EPC1: variants seen among roughly 807,000 people sequenced by gnomAD.
EPC1 encodes the protein enhancer of polycomb 1.
EPC1 carries 12 observed loss-of-function variants against 98.4 expected under a neutral mutation model. The ratio of observed to expected loss-of-function variants is 0.12; its 90% confidence interval spans 0.08 to 0.20. The LOEUF is 0.20. Among genes scored for constraint, EPC1 ranks in the 10% least tolerant of loss-of-function variants. The pLI is 1.00. For missense variants in EPC1, 729 were observed against 990.5 expected (o/e 0.74, Z 3.54); for synonymous variants, 357 against 363.9 (o/e 0.98, Z 0.21).
At position 32,271,268 on chromosome 10, in the gene EPC1, G is replaced by A. The variant is rs559224745; in HGVS notation, c.2369+286C>T. On this transcript the variant is annotated intron_variant, in intron 13 of 13. Transcript: ENST00000319778. ...TGCCTCCCAAAGTGCTAGGATTACA[G>A]GCGTGAGCCACTGCACCTGGTATAA... Among the ~76,000 whole-genome samples the A allele has an allele frequency of 7.2e-5, 11 of 152,272 alleles. No individual in the cohort carries two copies. The South Asian group carries it at 2.3e-3, about 32-fold the overall frequency.
intron 1 of EPC1, among the ~76,000 whole-genome samples, chr10:32,325,960 C>T (rs1837249596): frequency 6.6e-6 from 1 of 152,120 alleles, no homozygotes; most frequent in Admixed American, 6.5e-5. Context: ...CTGACCAAAT[C>T]ATGGTTAGAA....
chr10:32,351,004 T>A (rs1382226785), upstream of EPC1, among the ~76,000 whole-genome samples: 1 of 152,180 alleles, frequency 6.6e-6, no homozygotes, highest in East Asian at 1.9e-4. Flanking sequence ...CATCCTTTAT[T>A]TACTCATTCC....
At chr10:32,317,455 A>G (rs1836621193) in intron 1 of EPC1, among the ~76,000 whole-genome samples, 1 of 151,964 alleles carries the variant, frequency 6.6e-6, no homozygotes, top group Admixed American at 6.6e-5. Flanking sequence ...CAGCCTGACC[A>G]ACATAGGGAA....
At chr10:32,317,427 A>C (rs1836619541) in intron 1 of EPC1, among the ~76,000 whole-genome samples, 1 of 152,206 alleles carries the variant, frequency 6.6e-6, no homozygotes, top group Non-Finnish European at 1.5e-5. Context: ...GGATCACTTG[A>C]GGTCAGGAGT....
At chr10:32,301,183 G>A (rs1835516470) in intron 2 of EPC1, among the ~76,000 whole-genome samples, 1 of 151,878 alleles carries the variant, frequency 6.6e-6, no homozygotes, top group Non-Finnish European at 1.5e-5. Flanking sequence ...TTTTAAAAAA[G>A]GCTTCGAGTA....
intron 1 of EPC1, among the ~76,000 whole-genome samples, chr10:32,342,451 A>G (rs1838424031): frequency 6.6e-6 from 1 of 152,136 alleles, no homozygotes; most frequent in Admixed American, 6.5e-5. Flanking sequence ...AAAACAAACA[A>G]CTCCCATCCA....
intron 1 of EPC1, among the ~76,000 whole-genome samples, chr10:32,342,687 C>T (rs1367362265): frequency 6.6e-6 from 1 of 152,164 alleles, no homozygotes; most frequent in Non-Finnish European, 1.5e-5. Context: ...ATCTCCTCCC[C>T]AAACCAGTCT....
intron 1 of EPC1, among the ~76,000 whole-genome samples, chr10:32,329,491 G>C (rs745663111): frequency 6.6e-6 from 1 of 152,208 alleles, no homozygotes; most frequent in Admixed American, 6.5e-5. Flanking sequence ...CAAGCACACA[G>C]ATAATCTATT....
At chr10:32,308,592 G>A (rs1373783343) in intron 1 of EPC1, among the ~76,000 whole-genome samples, 4 of 151,980 alleles carry the variant, frequency 2.6e-5, no homozygotes, top group Non-Finnish European at 5.9e-5. Context: ...CCCAAATAGT[G>A]AGCCATCTGT....
Position 32,284,948 on chromosome 10 carries a change from G to C in EPC1, c.1494C>G (p.Ala498=). ...CCGAGGTATTTGTTTCTGAGGTATT[G>C]GCAAACTGATTGACTGGAGAATGTT... ...SPQHSPVNQF[A]NTSETNTSDK... is the part of the protein sequence containing the mutation. The change falls in exon 10 of 14, where the codon GCC becomes GCG. Residue 498 remains alanine (A), a synonymous_variant. Coordinates refer to ENST00000319778, the MANE Select transcript of EPC1 (RefSeq NM_001272004.3). 6.2e-7 allele frequency: 1 copy of C among 1,614,160 alleles called. No homozygotes were observed. The highest frequency in any genetic ancestry group is 8.5e-7 in the Non-Finnish European group (1 of 1,180,028).
At chr10:32,369,539 A>C (rs912620657) in intron 1 of EPC1, among the ~76,000 whole-genome samples, 5 of 152,354 alleles carry the variant, frequency 3.3e-5, no homozygotes, top group South Asian at 4.1e-4. Context: ...AGACCAAAAA[A>C]TTTACTTGGG....
At chr10:32,323,478 TA>T (rs1837062398) in intron 1 of EPC1, among the ~76,000 whole-genome samples, 2 of 152,210 alleles carry the variant, frequency 1.3e-5, no homozygotes, top group Admixed American at 1.3e-4. Flanking sequence ...TTCTATATTG[TA>T]TAACATGGTG....
chr10:32,286,741 G>C lies in EPC1; in HGVS notation c.1344C>G (p.Pro448=). Residue 448 remains proline (P), a synonymous_variant, in exon 9 of 14, where the codon CCC becomes CCG. Coordinates refer to ENST00000319778, the MANE Select transcript of EPC1 (RefSeq NM_001272004.3). Reference sequence around the variant, plus strand: ...TTCGTGCAAATCCAATACACCTTTGGGGTACGGTGAGAGTAGTTAAGCAGT... The same window carrying C: ...TTCGTGCAAATCCAATACACCTTTGCGGTACGGTGAGAGTAGTTAAGCAGT... ...YRYCLTTLTV[P]QRCIGFARRR... is the part of the protein sequence containing the mutation. The C allele has an allele frequency of 6.2e-7, 1 of 1,614,006 alleles. No homozygotes were observed. Among genetic ancestry groups the C allele is most frequent in the Non-Finnish European group, 8.5e-7 (1 of 1,180,014 alleles).
At chr10:32,294,377 A>T (rs1157840675) in intron 2 of EPC1, among the ~76,000 whole-genome samples, 1 of 152,206 alleles carries the variant, frequency 6.6e-6, no homozygotes, top group African/African-American at 2.4e-5. Flanking sequence ...CATTTTTTTC[A>T]CATATACTTT....
At chr10:32,275,706 C>T (rs1233637893) in intron 10 of EPC1, among the ~76,000 whole-genome samples, 3 of 150,528 alleles carry the variant, frequency 2.0e-5, no homozygotes, top group Non-Finnish European at 3.0e-5. Flanking sequence ...ACCCGGGAGG[C>T]GAAGCTTGCA....
intron 1 of EPC1, among the ~76,000 whole-genome samples, chr10:32,364,576 A>T (rs1414434627): frequency 6.6e-6 from 1 of 152,212 alleles, no homozygotes; most frequent in Non-Finnish European, 1.5e-5. Flanking sequence ...CTCAACTTTG[A>T]AAAGAAGGAG....
intron 1 of EPC1, among the ~76,000 whole-genome samples, chr10:32,337,845 C>T (rs1159801879): frequency 6.6e-6 from 1 of 152,150 alleles, no homozygotes; most frequent in Non-Finnish European, 1.5e-5. Context: ...TCCACCAAAA[C>T]ATGCCAATGG....
At chr10:32,345,408 A>C (rs1044446440) in intron 1 of EPC1, 1 of 985,388 alleles carries the variant, frequency 1.0e-6, no homozygotes, top group South Asian at 4.7e-5. Context: ...CAAAAACAAC[A>C]TTACAGAGCA....
At chr10:32,356,531 G>A (rs375751958) in intron 1 of EPC1, among the ~76,000 whole-genome samples, 1 of 152,130 alleles carries the variant, frequency 6.6e-6, no homozygotes, top group South Asian at 2.1e-4. Context: ...CAAGCCAAAT[G>A]AGGTCAGCAT....
Sources: gnomAD v4.1 joint callset for allele counts (sites outside exome capture counted in the v4.1 genomes callset) on GRCh38, gnomAD v4.1.1 for gene constraint, MANE v1.5 for transcripts, NCBI Gene and HGNC (gene_info 2026-07-23, HGNC 2026-07-21) for gene names.